JPH3: variants seen among roughly 807,000 people sequenced by gnomAD.
The protein encoded by JPH3 is junctophilin-3.
JPH3 carries 11 observed loss-of-function variants against 59.6 expected under a neutral mutation model. The ratio of observed to expected loss-of-function variants is 0.18; its 90% CI spans 0.12 to 0.31. The LOEUF is 0.31. Among genes scored for constraint, JPH3 ranks in the 10% least tolerant of loss-of-function variants. The probability of loss-of-function intolerance (pLI) is 1.00; values close to 1 mark genes in which losing one functional copy is unlikely to be tolerated. For synonymous variants in JPH3, 673 were observed against 483.6 expected, an observed-to-expected ratio of 1.39 and a Z score of -5.14; for missense variants, 1,202 against 1,105.7, an observed-to-expected ratio of 1.09 and a Z score of -1.24.
chr16:87,608,272 T>G (rs1482859043), intron 1 of JPH3, among the ~76,000 whole-genome samples: 1 of 152,254 alleles, frequency 6.6e-6, no homozygotes, highest in East Asian at 1.9e-4. Context: ...TTTTTCTTCC[T>G]GTTTTCCCCA....
intron 2 of JPH3, among the ~76,000 whole-genome samples, chr16:87,677,295 A>G (rs1432616253): frequency 6.6e-6 from 1 of 151,592 alleles, no homozygotes; most frequent in Non-Finnish European, 1.5e-5. Flanking sequence ...AGGCAGAAGA[A>G]TTGCCTGAAC....
chr16:87,658,225 G>A (rs1007521160), intron 2 of JPH3, among the ~76,000 whole-genome samples: 1 of 152,156 alleles, frequency 6.6e-6, no homozygotes. Context: ...GAGGTCGCAG[G>A]GCTACCAAAC....
chr16:87,644,319 C>T lies in JPH3; in HGVS notation c.444C>T (p.Val148=), dbSNP rs777536773. The change falls in exon 2 of 5, where the codon GTC becomes GTT. Residue 148 remains valine (V), a synonymous_variant. Transcript: ENST00000284262. ...MRQGYGVRQS[V]PYGMAAVIRS... ...AGGGCTACGGCGTCCGGCAGAGCGT[C>T]CCGTATGGCATGGCCGCGGTCATCC... 2.5e-5 allele frequency: 41 copies of T among 1,612,796 alleles called. No individual in the cohort carries two copies. The highest frequency in any genetic ancestry group is 2.3e-5 in the Non-Finnish European group (27 of 1,179,938).
At chr16:87,677,225 C>CACAAAAAAAA (rs1271128667) in intron 2 of JPH3, among the ~76,000 whole-genome samples, 2 of 81,726 alleles carry the variant, frequency 2.4e-5, no homozygotes, top group African/African-American at 8.6e-5. Flanking sequence ...CACACACACA[C>CACAAAAAAAA]AAAAAAAAAA....
chr16:87,678,398 G>A (rs2033203034), intron 2 of JPH3, among the ~76,000 whole-genome samples: 1 of 152,140 alleles, frequency 6.6e-6, no homozygotes. Context: ...AATTAGCCGG[G>A]CTTGGTGGCA....
chr16:87,619,315 G>A (rs369894986), intron 1 of JPH3, among the ~76,000 whole-genome samples: 151 of 140,556 alleles, frequency 1.1e-3, no homozygotes, highest in East Asian at 1.7e-3. Flanking sequence ...CCTGTCTTAA[G>A]AAAAAAAAAA....
At chr16:87,652,761 T>C (rs1301028920) in intron 2 of JPH3, among the ~76,000 whole-genome samples, 4 of 152,246 alleles carry the variant, frequency 2.6e-5, no homozygotes, top group Non-Finnish European at 4.4e-5. Context: ...AGCAGGACTG[T>C]GGTGGCAGCC....
chr16:87,639,458 C>T (rs901019435), intron 1 of JPH3, among the ~76,000 whole-genome samples: 3 of 152,182 alleles, frequency 2.0e-5, no homozygotes, highest in African/African-American at 7.2e-5. Context: ...CTACAGTGTC[C>T]CGTCTCAGTC....
chr16:87,696,396 G>A (rs1011945091), intron 4 of JPH3, 184 bp from the exon 5 acceptor site: 16 of 606,896 alleles, frequency 2.6e-5, no homozygotes, highest in African/African-American at 1.5e-4. Context: ...TCTCTCCCGC[G>A]TCTGGACTTC....
chr16:87,626,448 C>G (rs556252100), intron 1 of JPH3, among the ~76,000 whole-genome samples: 2 of 152,224 alleles, frequency 1.3e-5, no homozygotes, highest in Admixed American at 1.3e-4. Flanking sequence ...GCCCAGTGCC[C>G]AGGAGACCGA....
intron 2 of JPH3, chr16:87,653,880 A>G (rs944748761): frequency 6.6e-6 from 1 of 152,262 alleles, no homozygotes; most frequent in African/African-American, 2.4e-5. Context: ...GGAGACAACA[A>G]GGAGAGTGGG....
At chr16:87,677,245 G>A (rs1310747529) in intron 2 of JPH3, among the ~76,000 whole-genome samples, 68 of 118,358 alleles carry the variant, frequency 5.7e-4, no homozygotes, top group Non-Finnish European at 7.5e-5. Context: ...AATTAGCCGG[G>A]TGTGGTGGGC....
intron 2 of JPH3, among the ~76,000 whole-genome samples, chr16:87,672,611 G>A (rs1313453446): frequency 6.6e-6 from 1 of 152,274 alleles, no homozygotes; most frequent in African/African-American, 2.4e-5. Context: ...TGCTGGCATT[G>A]ACGGGGCCAG....
chr16:87,668,047 T>G (rs2032918134), intron 2 of JPH3, among the ~76,000 whole-genome samples: 1 of 152,168 alleles, frequency 6.6e-6, no homozygotes, highest in South Asian at 2.1e-4. Flanking sequence ...TCTGGCTGGT[T>G]TGCCCTGGGG....
chr16:87,641,218 A>C (rs573584306), intron 1 of JPH3, among the ~76,000 whole-genome samples: 1 of 152,204 alleles, frequency 6.6e-6, no homozygotes, highest in African/African-American at 2.4e-5. Flanking sequence ...CGGTCCACAT[A>C]CATCCCTGCT....
At chr16:87,662,418 G>C (rs544802852) in intron 2 of JPH3, among the ~76,000 whole-genome samples, 98 of 139,648 alleles carry the variant, frequency 7.0e-4, no homozygotes, top group Non-Finnish European at 1.9e-4. Context: ...CACTAGGCTC[G>C]CGTCTGATTT....
intron 1 of JPH3, among the ~76,000 whole-genome samples, chr16:87,625,506 C>G (rs1232430953): frequency 6.6e-6 from 1 of 152,136 alleles, no homozygotes; most frequent in Non-Finnish European, 1.5e-5. Context: ...CAGAGGGGCC[C>G]CCTGAGCAGG....
chr16:87,616,842 T>C (rs895296430), intron 1 of JPH3, among the ~76,000 whole-genome samples: 1 of 152,228 alleles, frequency 6.6e-6, no homozygotes, highest in Non-Finnish European at 1.5e-5. Context: ...AAATGCTCTG[T>C]AAACGGAAAA....
At chr16:87,659,842 G>A (rs143503858) in intron 2 of JPH3, among the ~76,000 whole-genome samples, 425 of 152,272 alleles carry the variant, frequency 2.8e-3, no homozygotes, top group Non-Finnish European at 2.7e-3. Flanking sequence ...TCACCTTGCA[G>A]AAATGACACC....
Sources: allele counts gnomAD v4.1 joint callset (sites outside exome capture counted in the v4.1 genomes callset), GRCh38; gene constraint gnomAD v4.1.1; transcripts MANE v1.5; gene names NCBI Gene and HGNC (gene_info 2026-07-23, HGNC 2026-07-21).